Variants in NDEL1 observed in about 807,000 individuals in gnomAD.
NDEL1 encodes nuclear distribution protein nudE-like 1.
A neutral mutation model predicts 45.7 loss-of-function variants in NDEL1; 9 were observed. The observed-to-expected ratio is 0.20, with a 90% CI of 0.12 to 0.34. NDEL1 has a LOEUF of 0.34. Among genes scored for constraint, NDEL1 ranks in the 10% least tolerant of loss-of-function variants. The probability of loss-of-function intolerance (pLI) is 1.00; values close to 1 mark genes in which losing one functional copy is unlikely to be tolerated. For synonymous variants in NDEL1, 133 were observed against 158.6 expected, an observed-to-expected ratio of 0.84 and a Z score of 1.21; for missense variants, 306 against 406.2, an observed-to-expected ratio of 0.75 and a Z score of 2.12.
chr17:8,450,514 C>G (rs918770621), intron 5 of NDEL1, among the ~76,000 whole-genome samples: 1 of 152,170 alleles, frequency 6.6e-6, no homozygotes, highest in African/African-American at 2.4e-5. Flanking sequence ...GTGAATTGTA[C>G]TGTGGACTCT....
At chr17:8,461,937 C>T (rs768658189) in intron 8 of NDEL1, among the ~76,000 whole-genome samples, 5 of 151,900 alleles carry the variant, frequency 3.3e-5, no homozygotes, top group African/African-American at 9.7e-5. Context: ...AGAACAGTCA[C>T]GAGGAGGGAA....
At chr17:8,422,615 A>T (rs957505145) in intron 1 of NDEL1, among the ~76,000 whole-genome samples, 1 of 152,202 alleles carries the variant, frequency 6.6e-6, no homozygotes, top group African/African-American at 2.4e-5. Context: ...TTCAGTGTTT[A>T]TGAGTAAAAA....
At chr17:8,415,983 G>A (rs1908538809) in intron 1 of NDEL1, among the ~76,000 whole-genome samples, 1 of 151,980 alleles carries the variant, frequency 6.6e-6, no homozygotes, top group Non-Finnish European at 1.5e-5. Context: ...ACCTGACCTC[G>A]TGATCCACCC....
chr17:8,431,704 A>G (rs1392148646), upstream of NDEL1, among the ~76,000 whole-genome samples: 4 of 152,288 alleles, frequency 2.6e-5, no homozygotes, highest in East Asian at 1.9e-4. Context: ...GAATAACACT[A>G]CCTATCTCAT....
upstream of NDEL1, among the ~76,000 whole-genome samples, chr17:8,434,896 C>T (rs1283591115): frequency 6.6e-6 from 1 of 152,056 alleles, no homozygotes; most frequent in Non-Finnish European, 1.5e-5. Flanking sequence ...ATGGTGAAAC[C>T]CCGTCTCTAC....
At chr17:8,427,151 G>T (rs755851177) in intron 1 of NDEL1, among the ~76,000 whole-genome samples, 48 of 152,238 alleles carry the variant, frequency 3.2e-4, no homozygotes, top group Non-Finnish European at 6.5e-4. Context: ...ACAGCCAACT[G>T]GAGTTTGAAA....
chr17:8,454,487 A>G (rs1910708861), intron 6 of NDEL1, among the ~76,000 whole-genome samples: 1 of 152,150 alleles, frequency 6.6e-6, no homozygotes, highest in South Asian at 2.1e-4. Flanking sequence ...TGTTAAGGTG[A>G]AAAAAATGGG....
At chr17:8,427,869 A>G (rs1267735348) in intron 1 of NDEL1, among the ~76,000 whole-genome samples, 1 of 152,226 alleles carries the variant, frequency 6.6e-6, no homozygotes, top group Non-Finnish European at 1.5e-5. Flanking sequence ...TGTTATGATG[A>G]AAAATTAAGA....
chr17:8,445,674 T>G, intron 2 of NDEL1, 37 bp from the exon 3 acceptor site: 1 of 1,577,516 alleles, frequency 6.3e-7, no homozygotes. Flanking sequence ...TTGTGGTTCT[T>G]AGTGTAACTC....
At chr17:8,428,328 GTGTGTGTGTGTGT>G (rs1357736087) in intron 1 of NDEL1, among the ~76,000 whole-genome samples, 23,246 of 130,398 alleles carry the variant, frequency 0.18, 2,887 homozygotes, top group South Asian at 0.3. Flanking sequence ...TGTGTGGTGT[GTGTGTGTGTGTGT>G]GTGTGTGTGT....
intron 1 of NDEL1, among the ~76,000 whole-genome samples, chr17:8,422,502 C>T (rs1308758164): frequency 2.0e-5 from 3 of 151,838 alleles, no homozygotes; most frequent in South Asian, 2.1e-4. Context: ...TTGTCCCCAG[C>T]ACTTCAGTGA....
chr17:8,415,029 G>C (rs1023356472), intron 1 of NDEL1, among the ~76,000 whole-genome samples: 4 of 152,134 alleles, frequency 2.6e-5, no homozygotes, highest in Admixed American at 1.3e-4. Context: ...ACTGCTGAAT[G>C]TTGTCATCTT....
intron 1 of NDEL1, among the ~76,000 whole-genome samples, chr17:8,415,961 C>T (rs568521338): frequency 1.6e-3 from 237 of 152,178 alleles, no homozygotes; most frequent in African/African-American, 5.2e-3. Flanking sequence ...GATGGCCAGG[C>T]TGGTCTTGAA....
chr17:8,462,873 A>G (rs1911305953), intron 8 of NDEL1: 1 of 154,510 alleles, frequency 6.5e-6, no homozygotes, highest in African/African-American at 2.4e-5. Flanking sequence ...CTTCAGATGC[A>G]GTGAAGCCTT....
At chr17:8,436,459 AG>A (rs2151704459) in intron 1 of NDEL1, 1 of 153,522 alleles carries the variant, frequency 6.5e-6, no homozygotes, top group East Asian at 1.9e-4. Flanking sequence ...TTCATTTGCG[AG>A]GGTGGCTTGG....
chr17:8,417,713 C>T (rs544402583), intron 1 of NDEL1, among the ~76,000 whole-genome samples: 12 of 152,302 alleles, frequency 7.9e-5, no homozygotes, highest in South Asian at 6.2e-4. Context: ...TCAGGGGACA[C>T]GAGGGGGTCT....
upstream of NDEL1, among the ~76,000 whole-genome samples, chr17:8,433,130 C>T (rs1909058927): frequency 6.6e-6 from 1 of 151,862 alleles, no homozygotes; most frequent in Admixed American, 6.6e-5. Flanking sequence ...GATCTTGATC[C>T]CACTTGTTTA....
chr17:8,452,644 A>G (rs1048286817), intron 6 of NDEL1, among the ~76,000 whole-genome samples: 1 of 142,112 alleles, frequency 7.0e-6, no homozygotes, highest in Admixed American at 6.9e-5. Flanking sequence ...CTTTAATTGT[A>G]TTTTACCTTT....
Position 8,443,441 on chromosome 17 carries a change from A to G in NDEL1, c.-12-819A>G, listed in dbSNP as rs1567730152. Reference sequence around the variant, plus strand: ...GCCACTCCAGGTAGAGAAAACCTGGAGTAGTTTTCCATGCCTGAAAGAGCC... The same window carrying G: ...GCCACTCCAGGTAGAGAAAACCTGGGGTAGTTTTCCATGCCTGAAAGAGCC... On this transcript the variant is annotated intron_variant, in intron 1 of 8. Transcript: ENST00000334527. 1.3e-5 allele frequency among the ~76,000 whole-genome samples: 2 copies of G among 152,248 alleles called. 1 individual carries two copies. Among genetic ancestry groups the G allele is most frequent in the East Asian group, 3.9e-4 (2 of 5,168 alleles).
Sources: allele counts gnomAD v4.1 joint callset (sites outside exome capture counted in the v4.1 genomes callset), GRCh38; gene constraint gnomAD v4.1.1; transcripts MANE v1.5; gene names NCBI Gene and HGNC (gene_info 2026-07-23, HGNC 2026-07-21).